CD38: variants seen among roughly 807,000 people sequenced by gnomAD.
The protein encoded by CD38 is ADP-ribosyl cyclase/cyclic ADP-ribose hydrolase 1.
A neutral mutation model predicts 36.3 loss-of-function variants in CD38; 31 were observed. The observed-to-expected ratio is 0.85, with a 90% CI of 0.64 to 1.15. The LOEUF is 1.15. Ranked by LOEUF, CD38 falls within the 50% of genes most tolerant of loss-of-function variation. The pLI, the probability that CD38 is intolerant of heterozygous loss-of-function variation, is 0.00. For synonymous variants in CD38, 131 were observed against 135.2 expected (o/e 0.97, Z 0.22); for missense variants, 380 against 371.9 (o/e 1.02, Z -0.18).
chr4:15,815,928 G>T (rs1202685383), intron 1 of CD38, among the ~76,000 whole-genome samples: 2 of 152,114 alleles, frequency 1.3e-5, no homozygotes, highest in African/African-American at 4.8e-5. Context: ...ATTATTTTGA[G>T]ATATGTTCCA....
intron 1 of CD38, among the ~76,000 whole-genome samples, chr4:15,799,321 T>G (rs1723167038): frequency 1.3e-5 from 2 of 152,240 alleles, no homozygotes; most frequent in Non-Finnish European, 2.9e-5. Flanking sequence ...TGTTTCTTTA[T>G]GTATGTCAGT....
At chr4:15,788,436 C>A (rs990433721) in intron 1 of CD38, among the ~76,000 whole-genome samples, 1 of 152,064 alleles carries the variant, frequency 6.6e-6, no homozygotes, top group South Asian at 2.1e-4. Flanking sequence ...CACCTTCAGT[C>A]CTGGGAGCTT....
chr4:15,794,498 G>A lies in CD38; in HGVS notation c.233+15851G>A, dbSNP rs899609148. ...AGGAAAGAAAACATTTCAGAAAGAG[G>A]GGGTATAATCAGCTTGTTCAAGTGA... On this transcript the variant is annotated intron_variant, in intron 1 of 7. Coordinates refer to ENST00000226279, the MANE Select transcript of CD38 (RefSeq NM_001775.4). Among the ~76,000 whole-genome samples the A allele has an allele frequency of 6.6e-5, 10 of 152,168 alleles. No individual in the cohort carries two copies. The South Asian group carries it at 1.5e-3, about 22-fold the overall frequency.
At position 15,840,084 on chromosome 4, in the gene CD38, G is replaced by T. The variant is rs775196395; in HGVS notation, c.718G>T (p.Ala240Ser). ...LQPEKVQTLE[A>S]WVIHGGREDS... ...ACCAGAGAAGGTTCAGACACTAGAG[G>T]CCTGGGTGATACATGGTGGAAGAGA... The change falls in exon 6 of 8, where the codon GCC becomes TCC. Residue 240 changes from alanine to serine, a missense_variant. Transcript: ENST00000226279. 6 of 1,612,864 alleles carry T rather than the reference G, an allele frequency of 3.7e-6. No homozygotes were observed. The highest frequency in any genetic ancestry group is 5.1e-6 in the Non-Finnish European group (6 of 1,178,988).
At chr4:15,802,542 T>TTTTA (rs1264776642) in intron 1 of CD38, among the ~76,000 whole-genome samples, 1 of 130,306 alleles carries the variant, frequency 7.7e-6, no homozygotes, top group East Asian at 2.0e-4. Flanking sequence ...TTTTATTTTA[T>TTTTA]TTTATTTTAT....
chr4:15,834,028 A>C (rs1385690126), intron 3 of CD38, among the ~76,000 whole-genome samples, 189 bp from the exon 4 acceptor site: 1 of 152,234 alleles, frequency 6.6e-6, no homozygotes, highest in Non-Finnish European at 1.5e-5. Context: ...TTGGAAGATA[A>C]GGTAAGAACT....
intron 1 of CD38, among the ~76,000 whole-genome samples, chr4:15,801,554 A>G (rs944158747): frequency 1.3e-5 from 2 of 152,148 alleles, no homozygotes; most frequent in Non-Finnish European, 2.9e-5. Context: ...ACAAAATACT[A>G]GCAAACTGAA....
At chr4:15,833,110 AC>A (rs1027699652) in intron 3 of CD38, among the ~76,000 whole-genome samples, 2 of 151,952 alleles carry the variant, frequency 1.3e-5, no homozygotes, top group African/African-American at 4.8e-5. Flanking sequence ...CCTGGGACTC[AC>A]CCTTCAAAGC....
At chr4:15,807,555 G>T (rs183041500) in intron 1 of CD38, among the ~76,000 whole-genome samples, 6 of 152,208 alleles carry the variant, frequency 3.9e-5, no homozygotes, top group East Asian at 1.9e-4. Flanking sequence ...TGTCAGGGGG[G>T]GCTGCACTGC....
chr4:15,802,663 TCTC>T (rs1304881179), intron 1 of CD38, among the ~76,000 whole-genome samples: 4 of 151,986 alleles, frequency 2.6e-5, no homozygotes, highest in Admixed American at 1.3e-4. Context: ...TTCAAGCAAT[TCTC>T]CTGCTTCAGC....
intron 1 of CD38, among the ~76,000 whole-genome samples, chr4:15,784,867 C>A (rs957136859): frequency 1.3e-5 from 2 of 152,034 alleles, no homozygotes; most frequent in Non-Finnish European, 2.9e-5. Flanking sequence ...ACCATCCTGG[C>A]AAACATGGTG....
intron 1 of CD38, among the ~76,000 whole-genome samples, chr4:15,813,011 C>A (rs771023284): frequency 6.6e-6 from 1 of 152,096 alleles, no homozygotes. Flanking sequence ...CTAACAGTTT[C>A]CTTTTTGTGG....
chr4:15,785,540 T>TTTC (rs1722796616), intron 1 of CD38, among the ~76,000 whole-genome samples: 2 of 51,022 alleles, frequency 3.9e-5, no homozygotes, highest in African/African-American at 5.1e-4. Context: ...GTTCCTTTTC[T>TTTC]TTTTTTTTTT....
chr4:15,806,376 C>T (rs995053151), intron 1 of CD38, among the ~76,000 whole-genome samples: 2 of 152,218 alleles, frequency 1.3e-5, no homozygotes, highest in African/African-American at 4.8e-5. Context: ...TGGGAGGCAG[C>T]ATTGCTTTGC....
In CD38 at chr4:15,849,545, A is replaced by C. The variant is rs570431064; in HGVS notation, c.*943A>C. 1 of 152,204 alleles carries C rather than the reference A, an allele frequency of 6.6e-6. No homozygotes were observed. Among genetic ancestry groups the C allele is most frequent in the East Asian group, 1.9e-4 (1 of 5,174 alleles). The allele number at this position is 152,204 out of a possible 1,614,324, so 9.4% of individuals were successfully genotyped here. A position where few individuals can be genotyped will look rare whatever the true frequency, so the allele number is the denominator to read the frequency against. On this transcript the variant is annotated 3_prime_UTR_variant, in exon 8 of 8. Coordinates refer to ENST00000226279, the MANE Select transcript of CD38 (RefSeq NM_001775.4). ...TTCCCCCGTCTTCCTCCTCCTCTTC[A>C]TGCTCAGTGTTTTATATATGTAGTA...
At chr4:15,802,293 A>C (rs1723243771) in intron 1 of CD38, among the ~76,000 whole-genome samples, 1 of 152,134 alleles carries the variant, frequency 6.6e-6, no homozygotes, top group South Asian at 2.1e-4. Context: ...TGAAGAGGAC[A>C]TAAAAAATTG....
At chr4:15,781,039 A>G (rs956532870) in intron 1 of CD38, among the ~76,000 whole-genome samples, 4 of 152,116 alleles carry the variant, frequency 2.6e-5, no homozygotes, top group Non-Finnish European at 1.5e-5. Flanking sequence ...ACCCAGGAGG[A>G]GGAGGTAGCA....
chr4:15,809,838 T>G, intron 1 of CD38, among the ~76,000 whole-genome samples: 1 of 152,178 alleles, frequency 6.6e-6, no homozygotes, highest in Middle Eastern at 3.2e-3. Context: ...TGCTCCTTCT[T>G]TAGTTGGAAA....
At chr4:15,796,233 T>A (rs1252669581) in intron 1 of CD38, among the ~76,000 whole-genome samples, 3 of 152,172 alleles carry the variant, frequency 2.0e-5, no homozygotes, top group African/African-American at 7.2e-5. Context: ...CCTGCTTTTA[T>A]GTGTTAATAC....
Sources: allele counts gnomAD v4.1 joint callset (sites outside exome capture counted in the v4.1 genomes callset), GRCh38; gene constraint gnomAD v4.1.1; transcripts MANE v1.5; gene names NCBI Gene and HGNC (gene_info 2026-07-23, HGNC 2026-07-21).